The following SLIT2 variants were observed in gnomAD, a reference collection of about 807,000 sequenced individuals.
SLIT2 encodes slit guidance ligand 2, also known as slit homolog 2 protein.
A neutral mutation model predicts 185.7 loss-of-function variants in SLIT2; 41 were observed. The observed-to-expected ratio is 0.22, with a 90% CI of 0.17 to 0.29. SLIT2 has a LOEUF of 0.29. Among genes scored for constraint, SLIT2 ranks in the 10% least tolerant of loss-of-function variants. The probability of loss-of-function intolerance (pLI) is 1.00; values close to 1 mark genes in which losing one functional copy is unlikely to be tolerated. For missense variants in SLIT2, 1,571 were observed against 1,909.0 expected (o/e 0.82, Z 3.30); for synonymous variants, 693 against 680.2 (o/e 1.02, Z -0.29).
intron 4 of SLIT2, among the ~76,000 whole-genome samples, chr4:20,321,086 C>T (rs907619555): frequency 1.3e-5 from 2 of 152,076 alleles, no homozygotes; most frequent in Non-Finnish European, 2.9e-5. Flanking sequence ...TAGATTGCGC[C>T]ACTGCACTGT....
At chr4:20,564,292 G>C (rs1162238135) in intron 26 of SLIT2, among the ~76,000 whole-genome samples, 1 of 151,494 alleles carries the variant, frequency 6.6e-6, no homozygotes, top group Non-Finnish European at 1.5e-5. Flanking sequence ...AGATGAATGG[G>C]AGGAGAGCCA....
chr4:20,382,888 A>G (rs911848173), intron 4 of SLIT2, among the ~76,000 whole-genome samples: 1 of 152,174 alleles, frequency 6.6e-6, no homozygotes, highest in Non-Finnish European at 1.5e-5. Flanking sequence ...TACAAAACTG[A>G]TTTTAAGACT....
chr4:20,547,166 A>G (rs1268955739), intron 22 of SLIT2, among the ~76,000 whole-genome samples: 2 of 152,162 alleles, frequency 1.3e-5, no homozygotes, highest in Non-Finnish European at 2.9e-5. Context: ...ACAAATGATT[A>G]AACAATGGAA....
In SLIT2 at chr4:20,484,590, T is replaced by C. The variant is rs945061453; in HGVS notation, c.540-1610T>C. ...TGTTTTACTGAAAAGTTTTTGTCAA[T>C]CTCTTGACCTCTGAACGCACCATCA... is the stretch of plus-strand genomic sequence containing the variant. On this transcript the variant is annotated intron_variant, in intron 6 of 36. Coordinates refer to ENST00000504154, the MANE Select transcript of SLIT2 (RefSeq NM_004787.4). This position sits in a 1 kb window ranked among gnomAD's most constrained non-coding sequence, Gnocchi z 4.3. Among the ~76,000 whole-genome samples the C allele has an allele frequency of 2.6e-5, 4 of 152,094 alleles. No homozygotes were observed. The highest frequency in any genetic ancestry group is 4.8e-5 in the African/African-American group (2 of 41,432).
intron 4 of SLIT2, among the ~76,000 whole-genome samples, chr4:20,271,029 C>T (rs1226249530): frequency 3.9e-5 from 6 of 152,046 alleles, no homozygotes; most frequent in African/African-American, 4.8e-5. Context: ...CAAAGGAACA[C>T]GTGCTTGTGA....
chr4:20,379,570 A>G (rs1189104844), intron 4 of SLIT2, among the ~76,000 whole-genome samples: 1 of 152,130 alleles, frequency 6.6e-6, no homozygotes. Flanking sequence ...GAAACTAGCC[A>G]CTGTGAATGT....
At chr4:20,433,170 C>G (rs1482066877) in intron 4 of SLIT2, among the ~76,000 whole-genome samples, 1 of 152,206 alleles carries the variant, frequency 6.6e-6, no homozygotes, top group East Asian at 1.9e-4. Context: ...ATGAAAGCCA[C>G]TAGAAGCTGT....
intron 4 of SLIT2, among the ~76,000 whole-genome samples, chr4:20,427,342 A>C (rs1728634577): frequency 6.6e-6 from 1 of 152,198 alleles, no homozygotes. Context: ...GTACATATAC[A>C]TGTCCTGTAG....
Position 20,472,395 on chromosome 4 carries a change from T to TATATAG in SLIT2, c.467+4573_467+4574insTATAGA, listed in dbSNP as rs1553908511. 1.5e-3 allele frequency among the ~76,000 whole-genome samples: 59 copies of TATATAG among 38,858 alleles called. 1 individual carries two copies. Among genetic ancestry groups the TATATAG allele is most frequent in the African/African-American group, 5.4e-3 (57 of 10,596 alleles). 25.5% of individuals were successfully genotyped at this position (38,858 alleles called of 152,430 possible). A position where few individuals can be genotyped will look rare whatever the true frequency, so the allele number is the denominator to read the frequency against. On this transcript the variant is annotated intron_variant, in intron 5 of 36. Transcript: ENST00000504154. The stretch of plus-strand genomic sequence containing the variant: ...CTATATCTATATATATGTAGATATA[T>TATATAG]AGATATAGATATCTATATATCTATA...
intron 4 of SLIT2, among the ~76,000 whole-genome samples, chr4:20,352,525 T>C (rs1317637902): frequency 6.6e-6 from 1 of 152,198 alleles, no homozygotes; most frequent in Non-Finnish European, 1.5e-5. Flanking sequence ...ACTTAAAATT[T>C]TGGCTGTTGG....
At chr4:20,363,627 A>C (rs1722901139) in intron 4 of SLIT2, among the ~76,000 whole-genome samples, 1 of 152,142 alleles carries the variant, frequency 6.6e-6, no homozygotes, top group South Asian at 2.1e-4. Context: ...AATAAAATTA[A>C]TTCCAGGAAG....
chr4:20,339,286 A>G (rs961744679), intron 4 of SLIT2, among the ~76,000 whole-genome samples: 3 of 152,004 alleles, frequency 2.0e-5, no homozygotes, highest in South Asian at 2.1e-4. Flanking sequence ...GGAGGATTAC[A>G]ATTTCTCAGT....
At chr4:20,463,489 A>ATATATATATG (rs1713979391) in intron 4 of SLIT2, among the ~76,000 whole-genome samples, 1 of 100,024 alleles carries the variant, frequency 1.0e-5, no homozygotes, top group African/African-American at 4.4e-5. Context: ...ATATATATAT[A>ATATATATATG]TATGTGTGTG....
At chr4:20,309,935 A>AT (rs1437029216) in intron 4 of SLIT2, among the ~76,000 whole-genome samples, 1 of 151,098 alleles carries the variant, frequency 6.6e-6, no homozygotes, top group Non-Finnish European at 1.5e-5. Flanking sequence ...AATTTTTTGT[A>AT]TTTTTTTAGT....
intron 4 of SLIT2, among the ~76,000 whole-genome samples, chr4:20,460,630 T>A (rs1464501757): frequency 1.3e-5 from 2 of 152,222 alleles, no homozygotes; most frequent in African/African-American, 4.8e-5. Flanking sequence ...CCCAACCTGC[T>A]TCACCTTAAC....
rs1577578108 is a variant in SLIT2, at chr4:20,398,901, T to A, written c.396-68851T>A. 2.0e-5 allele frequency among the ~76,000 whole-genome samples: 3 copies of A among 151,948 alleles called. No homozygotes were observed. The Middle Eastern group carries it at 0.01, about 517-fold the overall frequency. On this transcript the variant is annotated intron_variant, in intron 4 of 36. Transcript: ENST00000504154. ...ACAATACAAAATTCTAATGATATTA[T>A]AAATTCATGCAGTTATACTTCAAAT...
At chr4:20,336,589 G>A (rs1363154608) in intron 4 of SLIT2, among the ~76,000 whole-genome samples, 1 of 152,114 alleles carries the variant, frequency 6.6e-6, no homozygotes, top group Non-Finnish European at 1.5e-5. Context: ...TAGATGATGA[G>A]TTAATGGGTG....
intron 34 of SLIT2, among the ~76,000 whole-genome samples, chr4:20,612,055 C>G (rs1304749458): frequency 6.6e-6 from 1 of 151,888 alleles, no homozygotes; most frequent in South Asian, 2.1e-4. Context: ...TTTCGAAGCC[C>G]CTTTAGAATA....
At chr4:20,397,419 T>C (rs115484144) in intron 4 of SLIT2, among the ~76,000 whole-genome samples, 162 of 151,940 alleles carry the variant, frequency 1.1e-3, no homozygotes, top group African/African-American at 3.7e-3. Flanking sequence ...GTATAAATGA[T>C]TTAGTAGTTC....
Sources: allele counts gnomAD v4.1 joint callset (sites outside exome capture counted in the v4.1 genomes callset), GRCh38; gene constraint gnomAD v4.1.1; non-coding constraint Gnocchi (gnomAD v3.1); transcripts MANE v1.5; gene names NCBI Gene and HGNC (gene_info 2026-07-23, HGNC 2026-07-21).